Variants in ADGRB1 observed in about 807,000 individuals in gnomAD.
ADGRB1 encodes the protein brain-specific angiogenesis inhibitor 1.
A neutral mutation model predicts 175.7 loss-of-function variants in ADGRB1; 36 were observed. That is an observed-to-expected ratio of 0.20 (90% CI 0.16 to 0.27). ADGRB1 has a LOEUF of 0.27. ADGRB1 is among the 10% of genes least tolerant of loss of function. The pLI is 1.00. For missense variants in ADGRB1, 1,731 were observed against 2,255.3 expected (o/e 0.77, Z 4.71); for synonymous variants, 1,054 against 979.4 (o/e 1.08, Z -1.42).
At chr8:142,500,421 C>T (rs1428460246) in intron 17 of ADGRB1, among the ~76,000 whole-genome samples, 1 of 139,750 alleles carries the variant, frequency 7.2e-6, no homozygotes, top group East Asian at 2.2e-4. Flanking sequence ...GCTCCTCCAC[C>T]ACCCCCCCAT....
At chr8:142,465,193 C>G (rs910290974) in intron 2 of ADGRB1, among the ~76,000 whole-genome samples, 2 of 152,204 alleles carry the variant, frequency 1.3e-5, no homozygotes, top group Non-Finnish European at 2.9e-5. Context: ...CCCTGGCACC[C>G]TCCCAGGCGC....
intron 18 of ADGRB1, among the ~76,000 whole-genome samples, chr8:142,514,677 G>T (rs1221462190): frequency 6.6e-6 from 1 of 152,126 alleles, no homozygotes; most frequent in South Asian, 2.1e-4. Flanking sequence ...GTGTGATCAT[G>T]GTCAGGGTTC....
chr8:142,477,006 C>CCCGCTG, intron 4 of ADGRB1, 108 bp from the exon 5 acceptor site: 2 of 1,385,776 alleles, frequency 1.4e-6, no homozygotes, highest in Non-Finnish European at 1.9e-6. Context: ...CTGCCCCAGC[C>CCCGCTG]CCGCTGCCTG....
chr8:142,539,782 T>TCC, intron 27 of ADGRB1: 1 of 334,844 alleles, frequency 3.0e-6, no homozygotes, highest in Non-Finnish European at 5.7e-6. Flanking sequence ...CTAGTGCCGC[T>TCC]CCCCCCCCCT....
chr8:142,478,470 T>C, intron 7 of ADGRB1, 110 bp downstream of exon 7: 1 of 1,272,462 alleles, frequency 7.9e-7, no homozygotes, highest in South Asian at 1.5e-5. Context: ...GGCATGTGAC[T>C]GAGGAGGGAG....
At chr8:142,508,861 C>A (rs1398967874) in intron 17 of ADGRB1, among the ~76,000 whole-genome samples, 1 of 152,218 alleles carries the variant, frequency 6.6e-6, no homozygotes, top group Non-Finnish European at 1.5e-5. Context: ...AGGATCCTGG[C>A]CTCACACCGC....
intron 19 of ADGRB1, 25 bp downstream of exon 19, chr8:142,518,266 A>G (rs746209801): frequency 1.9e-6 from 3 of 1,608,764 alleles, no homozygotes; most frequent in Non-Finnish European, 2.6e-6. Flanking sequence ...GGTGCTGGGC[A>G]TGCATGTCTG....
intron 14 of ADGRB1, 62 bp from the exon 15 acceptor site, chr8:142,488,973 T>G: frequency 6.4e-7 from 1 of 1,566,872 alleles, no homozygotes; most frequent in African/African-American, 1.3e-5. Context: ...CAGGCCAGGC[T>G]GCCAAGTCCC....
At chr8:142,500,266 A>C (rs867991284) in intron 17 of ADGRB1, among the ~76,000 whole-genome samples, 519 of 4,198 alleles carry the variant, frequency 0.12, 31 homozygotes, top group African/African-American at 0.17. Context: ...CCACCTCCCC[A>C]CGCGCCGCTC....
intron 2 of ADGRB1, among the ~76,000 whole-genome samples, chr8:142,475,137 C>T (rs543069952): frequency 1.3e-5 from 2 of 152,324 alleles, no homozygotes; most frequent in African/African-American, 4.8e-5. Context: ...GGAGGCCAGG[C>T]CCCTCTACCC....
intron 17 of ADGRB1, among the ~76,000 whole-genome samples, chr8:142,505,014 T>C (rs1485437038): frequency 8.0e-6 from 1 of 125,714 alleles, no homozygotes; most frequent in Non-Finnish European, 1.6e-5. Context: ...ACCTGCTTCG[T>C]GGGCCGGCAG....
At chr8:142,507,466 C>T (rs1389612883) in intron 17 of ADGRB1, among the ~76,000 whole-genome samples, 9 of 152,214 alleles carry the variant, frequency 5.9e-5, no homozygotes, top group Admixed American at 4.6e-4. Flanking sequence ...CAGGTGCCTC[C>T]TTGGGCCTTC....
At chr8:142,535,776 C>T (rs970406109) in intron 25 of ADGRB1, among the ~76,000 whole-genome samples, 7 of 152,016 alleles carry the variant, frequency 4.6e-5, no homozygotes, top group African/African-American at 1.7e-4. Flanking sequence ...CCCTACCTGC[C>T]TGTGGGACCG....
At chr8:142,523,178 C>G (rs1404769682) in intron 22 of ADGRB1, among the ~76,000 whole-genome samples, 1 of 152,230 alleles carries the variant, frequency 6.6e-6, no homozygotes, top group Non-Finnish European at 1.5e-5. Flanking sequence ...CCTGAAGGGT[C>G]AGCTGGACCA....
intron 25 of ADGRB1, among the ~76,000 whole-genome samples, chr8:142,536,251 C>G (rs1844917209): frequency 6.6e-6 from 1 of 151,692 alleles, no homozygotes; most frequent in Non-Finnish European, 1.5e-5. Flanking sequence ...ACTGTTACCA[C>G]CGCAGTGTCA....
rs1236302444 is a variant in ADGRB1 at position 142,542,203 on chromosome 8, G to T, written c.3969G>T (p.Gly1323=). ...CCAAGTCCTCCTTCGTCGGTGACGG[G>T]GACATCTTCAAGAAGCTGGACTCGG... ...KAPKSSFVGD[G]DIFKKLDSEL... Residue 1323 remains glycine (G), a synonymous_variant, in exon 28 of 31, where the codon GGG becomes GGT. Transcript: ENST00000517894. This position sits in a 1 kb window ranked among gnomAD's most constrained non-coding sequence, Gnocchi z 6.3. 1 of 1,613,564 alleles carries T rather than the reference G, an allele frequency of 6.2e-7. No individual in the cohort carries two copies. Among genetic ancestry groups the T allele is most frequent in the African/African-American group, 1.3e-5 (1 of 74,920 alleles).
At chr8:142,468,091 G>A (rs762939212) in intron 2 of ADGRB1, among the ~76,000 whole-genome samples, 7 of 152,218 alleles carry the variant, frequency 4.6e-5, no homozygotes, top group African/African-American at 7.2e-5. Flanking sequence ...TTGTGTGTGC[G>A]TGTTCATGCA....
rs774731372 is a variant in ADGRB1, at chr8:142,511,890, G to A, written c.2817+817G>A. On this transcript the variant is annotated intron_variant, in intron 18 of 30. Coordinates refer to ENST00000517894, the MANE Select transcript of ADGRB1 (RefSeq NM_001702.3). The surrounding 1 kb of genome is among the most constrained non-coding windows in gnomAD (Gnocchi z 4.5). ...GTAACCTCCGCCCAGACCTCGTGTG[G>A]AAGCCTGGGAGGCAGCAGGGGTGGA... Among the ~76,000 whole-genome samples the A allele has an allele frequency of 3.7e-4, 57 of 152,260 alleles. No individual in the cohort carries two copies. The highest frequency in any genetic ancestry group is 5.7e-4 in the Non-Finnish European group (39 of 68,046).
intron 18 of ADGRB1, among the ~76,000 whole-genome samples, chr8:142,515,258 T>C (rs1296120647): frequency 6.6e-6 from 1 of 152,150 alleles, no homozygotes; most frequent in Non-Finnish European, 1.5e-5. Flanking sequence ...CTTGAGCCAG[T>C]CTCCGGCAGG....
Sources: gnomAD v4.1 joint callset for allele counts (sites outside exome capture counted in the v4.1 genomes callset) on GRCh38, gnomAD v4.1.1 for gene constraint, Gnocchi (gnomAD v3.1) non-coding constraint, MANE v1.5 for transcripts, NCBI Gene and HGNC (gene_info 2026-07-23, HGNC 2026-07-21) for gene names.